TBL1XR1: variants seen among roughly 807,000 people sequenced by gnomAD.
The protein encoded by TBL1XR1 is TBL1X/Y related 1.
In TBL1XR1, 5 loss-of-function variants were observed where a neutral mutation model predicts 66.9. The ratio of observed to expected loss-of-function variants is 0.07; its 90% CI spans 0.04 to 0.16. The LOEUF is 0.16. Ranked by LOEUF, TBL1XR1 falls within the 10% of genes least tolerant of loss-of-function variation. The pLI is 1.00. For missense variants in TBL1XR1, 238 were observed against 623.2 expected, an observed-to-expected ratio of 0.38 and a Z score of 6.58; for synonymous variants, 210 against 206.0, an observed-to-expected ratio of 1.02 and a Z score of -0.17.
rs1187369213 is a variant in TBL1XR1, at chr3:177,022,249, A to G, written c.*3249T>C. The stretch of plus-strand genomic sequence containing the variant: ...ATCTAGTGATTACTTTTTGCACCAT[A>G]ATTTGTTTTTTACACCACAAAAGGA... On this transcript the variant is annotated 3_prime_UTR_variant, in exon 16 of 16. Transcript: ENST00000457928. The G allele has an allele frequency of 6.6e-6, 1 of 152,558 alleles. No homozygotes were observed. The highest frequency in any genetic ancestry group is 2.4e-5 in the African/African-American group (1 of 41,454). 9.5% of individuals were successfully genotyped at this position (152,558 alleles called of 1,614,324 possible). A position where few individuals can be genotyped will look rare whatever the true frequency, so the allele number is the denominator to read the frequency against.
chr3:177,046,092 C>G (rs1716292432), intron 10 of TBL1XR1, 37 bp downstream of exon 10: 2 of 1,472,000 alleles, frequency 1.4e-6, no homozygotes, highest in Non-Finnish European at 9.1e-7. Flanking sequence ...AAAACAGAAG[C>G]AAGCTCCAGC....
chr3:177,070,799 T>C (rs552245665), intron 2 of TBL1XR1, among the ~76,000 whole-genome samples: 13 of 151,854 alleles, frequency 8.6e-5, no homozygotes, highest in African/African-American at 2.7e-4. Context: ...TGAGCTGAGA[T>C]TGCACCACTG....
At chr3:177,144,255 A>C (rs1265874217) in intron 1 of TBL1XR1, among the ~76,000 whole-genome samples, 1 of 151,854 alleles carries the variant, frequency 6.6e-6, no homozygotes, top group Non-Finnish European at 1.5e-5. Flanking sequence ...TCAAAAAAAA[A>C]CACAAAGTGA....
At chr3:177,046,949 T>A (rs1484288922) in intron 9 of TBL1XR1, among the ~76,000 whole-genome samples, 1 of 152,136 alleles carries the variant, frequency 6.6e-6, no homozygotes, top group Non-Finnish European at 1.5e-5. Flanking sequence ...GTACCAGGAG[T>A]TCGGCTAACA....
upstream of TBL1XR1, among the ~76,000 whole-genome samples, chr3:177,198,552 GGCACCTCACA>G (rs1737223150): frequency 6.6e-6 from 1 of 152,104 alleles, no homozygotes; most frequent in African/African-American, 2.4e-5. Context: ...AAAGAAGGGA[GGCACCTCACA>G]GGTTTTAAAG....
At chr3:177,074,697 A>G (rs1720469561) in intron 2 of TBL1XR1, among the ~76,000 whole-genome samples, 1 of 152,176 alleles carries the variant, frequency 6.6e-6, no homozygotes, top group African/African-American at 2.4e-5. Flanking sequence ...GCCACCAAGT[A>G]TATTTCGTTC....
At chr3:177,090,904 G>A (rs776379263) in intron 2 of TBL1XR1, among the ~76,000 whole-genome samples, 10 of 152,150 alleles carry the variant, frequency 6.6e-5, no homozygotes, top group East Asian at 3.8e-4. Flanking sequence ...TGGGAGAATC[G>A]ATTGAGCCCA....
intron 1 of TBL1XR1, among the ~76,000 whole-genome samples, chr3:177,160,473 CAA>C (rs11303033): frequency 1.6e-3 from 182 of 117,120 alleles, no homozygotes; most frequent in Admixed American, 3.4e-3. Context: ...GACTCTGTCT[CAA>C]AAAAAAAAAA....
At chr3:177,062,421 CCA>C in intron 3 of TBL1XR1, among the ~76,000 whole-genome samples, 1 of 152,322 alleles carries the variant, frequency 6.6e-6, no homozygotes, top group South Asian at 2.1e-4. Context: ...TTCCCAGGCC[CCA>C]CTCAGTGTGA....
intron 5 of TBL1XR1, 143 bp downstream of exon 5, chr3:177,051,361 G>T: frequency 1.5e-6 from 1 of 670,690 alleles, no homozygotes; most frequent in East Asian, 3.0e-5. Flanking sequence ...CTTAGTACCT[G>T]GGTGATGAAA....
At chr3:177,063,453 G>C (rs1276360551) in intron 3 of TBL1XR1, among the ~76,000 whole-genome samples, 1 of 152,068 alleles carries the variant, frequency 6.6e-6, no homozygotes, top group African/African-American at 2.4e-5. Context: ...TTTTGCTCCA[G>C]TGTCCAAAAG....
chr3:177,138,769 G>A (rs190734379), intron 1 of TBL1XR1, among the ~76,000 whole-genome samples: 19 of 152,152 alleles, frequency 1.2e-4, no homozygotes, highest in Admixed American at 1.2e-3. Context: ...GAGGGAAAGA[G>A]GAAGGGATCT....
At chr3:177,198,504 T>C (rs1257026947), upstream of TBL1XR1, among the ~76,000 whole-genome samples, 2 of 152,068 alleles carry the variant, frequency 1.3e-5, no homozygotes, top group African/African-American at 4.8e-5. Context: ...CTTAGATGAG[T>C]GATAATGTGG....
intron 1 of TBL1XR1, among the ~76,000 whole-genome samples, chr3:177,103,661 A>G (rs962387736): frequency 6.6e-6 from 1 of 152,226 alleles, no homozygotes; most frequent in African/African-American, 2.4e-5. Context: ...AAGCTAATGG[A>G]CATTATGGGC....
At chr3:177,103,468 C>A (rs1410016929) in intron 1 of TBL1XR1, among the ~76,000 whole-genome samples, 3 of 152,182 alleles carry the variant, frequency 2.0e-5, no homozygotes, top group Non-Finnish European at 2.9e-5. Context: ...AGGCTTACAG[C>A]ATAGAAAGAC....
chr3:177,037,980 G>T, intron 12 of TBL1XR1, 118 bp downstream of exon 12: 1 of 770,044 alleles, frequency 1.3e-6, no homozygotes, highest in Non-Finnish European at 2.1e-6. Flanking sequence ...AAATGTTGGA[G>T]TTTTCATGCA....
intron 7 of TBL1XR1, 53 bp downstream of exon 7, chr3:177,049,944 T>A: frequency 1.3e-6 from 2 of 1,586,592 alleles, no homozygotes; most frequent in Non-Finnish European, 1.7e-6. Flanking sequence ...TATGAGGCTC[T>A]GAGGGTTAGG....
chr3:177,118,223 G>C (rs556938344), intron 1 of TBL1XR1, among the ~76,000 whole-genome samples: 5 of 152,212 alleles, frequency 3.3e-5, no homozygotes, highest in Admixed American at 2.0e-4. Flanking sequence ...AAAATCACTC[G>C]ATCTTTTCAA....
At chr3:177,050,391 C>T in intron 6 of TBL1XR1, 87 bp downstream of exon 6, 1 of 1,487,768 alleles carries the variant, frequency 6.7e-7, no homozygotes, top group Non-Finnish European at 9.0e-7. Context: ...AACTAAGCAA[C>T]AACAGAAAAC....
Sources: gnomAD v4.1 joint callset for allele counts (sites outside exome capture counted in the v4.1 genomes callset) on GRCh38, gnomAD v4.1.1 for gene constraint, MANE v1.5 for transcripts, NCBI Gene and HGNC (gene_info 2026-07-23, HGNC 2026-07-21) for gene names.